EIF3E: variants seen among roughly 807,000 people sequenced by gnomAD.
EIF3E encodes the protein eIF-3 p48.
Under a neutral mutation model 59.3 loss-of-function variants are expected in EIF3E, and 25 were observed. The ratio of observed to expected loss-of-function variants is 0.42; its 90% CI spans 0.31 to 0.59. The LOEUF is 0.59. Among genes scored for constraint, EIF3E ranks in the 20% least tolerant of loss-of-function variants. EIF3E has a pLI of 0.15. For synonymous variants in EIF3E, 176 were observed against 170.2 expected, an observed-to-expected ratio of 1.03 and a Z score of -0.26; for missense variants, 317 against 534.3, an observed-to-expected ratio of 0.59 and a Z score of 4.01.
At chr8:108,245,509 G>A (rs1815931330) in intron 1 of EIF3E, among the ~76,000 whole-genome samples, 1 of 152,198 alleles carries the variant, frequency 6.6e-6, no homozygotes, top group Non-Finnish European at 1.5e-5. Context: ...TGTCCCAGAA[G>A]AGCGTAGTGT....
rs139588373 is a variant in EIF3E at position 108,241,833 on chromosome 8, T to C, written c.171A>G (p.Val57=). The part of the protein sequence containing the change: ...DTNMVDFAMD[V]YKNLYSDDIP... The stretch of plus-strand genomic sequence containing the variant: ...TATCATCAGAATAAAGGTTTTTGTA[T>C]ACATCCATAGCAAAGTCTACCATGT... Residue 57 remains valine, a synonymous_variant, in exon 2 of 13, where the codon GTA becomes GTG. Coordinates refer to ENST00000220849, the MANE Select transcript of EIF3E (RefSeq NM_001568.3). 557 of 1,597,412 alleles carry C rather than the reference T, an allele frequency of 3.5e-4. No homozygotes were observed. Among genetic ancestry groups the C allele is most frequent in the Middle Eastern group, 1.8e-3 (8 of 4,514 alleles).
intron 10 of EIF3E, among the ~76,000 whole-genome samples, chr8:108,214,047 T>C (rs1586194636): frequency 1.3e-5 from 2 of 152,242 alleles, no homozygotes; most frequent in African/African-American, 2.4e-5. Context: ...TTATTTCTAA[T>C]AGGTTATGTA....
chr8:108,202,443 G>A (rs1307862994), intron 12 of EIF3E, among the ~76,000 whole-genome samples: 1 of 151,924 alleles, frequency 6.6e-6, no homozygotes, highest in Non-Finnish European at 1.5e-5. Context: ...ACACAGTTTA[G>A]GATTCCAAAA....
intron 7 of EIF3E, among the ~76,000 whole-genome samples, chr8:108,226,978 G>T (rs569701): frequency 2.0e-5 from 3 of 151,972 alleles, no homozygotes; most frequent in African/African-American, 7.3e-5. Context: ...AAAATGTAAT[G>T]AAACTATAAA....
intron 4 of EIF3E, 25 bp from the exon 5 acceptor site, chr8:108,235,127 G>A: frequency 7.0e-7 from 1 of 1,423,094 alleles, no homozygotes; most frequent in Non-Finnish European, 9.5e-7. Flanking sequence ...AAAAGATTAA[G>A]TTCTCTTTAA....
chr8:108,234,928 G>A, intron 5 of EIF3E, 70 bp downstream of exon 5: 1 of 974,214 alleles, frequency 1.0e-6, no homozygotes, highest in Non-Finnish European at 1.5e-6. Flanking sequence ...CTATATACAT[G>A]TTTTGAAGAA....
chr8:108,216,485 G>A lies in EIF3E; in HGVS notation c.878C>T (p.Thr293Ile). Residue 293 changes from threonine (T) to isoleucine (I), a missense_variant, in exon 9 of 13, where the codon ACA (threonine) becomes ATA (isoleucine). Thr to Ile is a moderately conservative substitution (Grantham distance 89). Coordinates refer to ENST00000220849, the MANE Select transcript of EIF3E (RefSeq NM_001568.3). ...QESYTYKDPITEFVECLYVNF... is the reference protein window; with the variant it reads ...QESYTYKDPIIEFVECLYVNF... ...AACATATAAACATTCAACAAATTCT[G>A]TAATTGGGTCTTTATATGTGTAAGA... 1.2e-6 allele frequency: 2 copies of A among 1,608,792 alleles called. No individual in the cohort carries two copies. Among genetic ancestry groups the A allele is most frequent in the Non-Finnish European group, 1.7e-6 (2 of 1,178,102 alleles).
At chr8:108,206,855 C>T (rs1471219448) in intron 10 of EIF3E, among the ~76,000 whole-genome samples, 1 of 152,114 alleles carries the variant, frequency 6.6e-6, no homozygotes, top group African/African-American at 2.4e-5. Flanking sequence ...AATTCTCTAT[C>T]CCTCTCTCTT....
chr8:108,218,938 C>T (rs2129872003), intron 7 of EIF3E, among the ~76,000 whole-genome samples: 2 of 152,036 alleles, frequency 1.3e-5, no homozygotes, highest in South Asian at 4.2e-4. Context: ...TGCACACCAC[C>T]ACACCTGGCT....
At chr8:108,228,100 T>G (rs1343802831) in intron 7 of EIF3E, 167 bp downstream of exon 7, 1 of 662,850 alleles carries the variant, frequency 1.5e-6, no homozygotes, top group South Asian at 2.8e-5. Flanking sequence ...ATAGTTTACT[T>G]AAGAGTCACA....
At chr8:108,219,549 T>C (rs1369519989) in intron 7 of EIF3E, among the ~76,000 whole-genome samples, 3 of 152,204 alleles carry the variant, frequency 2.0e-5, no homozygotes, top group Admixed American at 1.3e-4. Flanking sequence ...GATAATGTAA[T>C]CTGTAATGAG....
chr8:108,245,330 A>G (rs980941792), intron 1 of EIF3E, among the ~76,000 whole-genome samples: 1 of 152,096 alleles, frequency 6.6e-6, no homozygotes, highest in East Asian at 1.9e-4. Context: ...TCAGCCGGAC[A>G]TGGTGGCGCA....
At position 108,248,660 on chromosome 8, in the gene EIF3E, C is replaced by T; in HGVS notation, c.43G>A (p.Asp15Asn). Residue 15 changes from aspartate to asparagine, a missense_variant, in exon 1 of 13, where the codon GAT becomes AAT. Coordinates refer to ENST00000220849, the MANE Select transcript of EIF3E (RefSeq NM_001568.3). The part of the protein sequence containing the change: ...DLTTRIAHFL[D>N]RHLVFPLLEF... ...AGAAGCGGAAAGACTAGATGCCGAT[C>T]CAAAAAGTGCGCGATGCGAGTAGTC... The T allele has an allele frequency of 6.2e-7, 1 of 1,614,182 alleles. No homozygotes were observed. Among genetic ancestry groups the T allele is most frequent in the African/African-American group, 1.3e-5 (1 of 75,052 alleles).
At chr8:108,218,326 T>C (rs1815342028) in intron 7 of EIF3E, among the ~76,000 whole-genome samples, 3 of 152,182 alleles carry the variant, frequency 2.0e-5, no homozygotes, top group Non-Finnish European at 2.9e-5. Flanking sequence ...CCCAAATACA[T>C]ACCCCTGAAA....
At chr8:108,231,455 C>T (rs1815618839) in intron 5 of EIF3E, among the ~76,000 whole-genome samples, 1 of 152,098 alleles carries the variant, frequency 6.6e-6, no homozygotes, top group Admixed American at 6.6e-5. Context: ...ATTACTCATA[C>T]TGTCTTGAGC....
intron 5 of EIF3E, among the ~76,000 whole-genome samples, chr8:108,232,177 C>G (rs1815636620): frequency 6.6e-6 from 1 of 152,122 alleles, no homozygotes; most frequent in Non-Finnish European, 1.5e-5. Context: ...TAGTGGCTAT[C>G]TAAATCAAAA....
chr8:108,242,893 A>C (rs1448977685), intron 1 of EIF3E: 2 of 156,280 alleles, frequency 1.3e-5, no homozygotes, highest in Non-Finnish European at 2.8e-5. Context: ...ATGTAGACTA[A>C]CTGGAACCTA....
intron 3 of EIF3E, 74 bp downstream of exon 3, chr8:108,239,884 G>A (rs775319305): frequency 3.3e-6 from 4 of 1,199,700 alleles, no homozygotes; most frequent in African/African-American, 1.5e-5. Flanking sequence ...TGGGATACTG[G>A]ATAAAGTTTG....
intron 1 of EIF3E, among the ~76,000 whole-genome samples, chr8:108,247,875 G>A (rs1370984988): frequency 6.6e-6 from 1 of 152,188 alleles, no homozygotes; most frequent in Non-Finnish European, 1.5e-5. Flanking sequence ...TTTTAGGACT[G>A]ACATATGCTT....
Sources: allele counts gnomAD v4.1 joint callset (sites outside exome capture counted in the v4.1 genomes callset), GRCh38; gene constraint gnomAD v4.1.1; transcripts MANE v1.5; gene names NCBI Gene and HGNC (gene_info 2026-07-23, HGNC 2026-07-21).